Variants in CATSPERT observed in about 807,000 individuals in gnomAD.
CATSPERT encodes catsper channel auxiliary subunit tau.
the CATSPERT span, chr2:201,494,786 A>ATT: frequency 6.8e-7 from 1 of 1,467,150 alleles, no homozygotes; most frequent in Non-Finnish European, 8.9e-7. Flanking sequence ...AAGGTAAGAC[A>ATT]TTTGGTAGCA....
At chr2:201,569,980 G>A in the CATSPERT span, among the ~76,000 whole-genome samples, 9 of 152,096 alleles carry the variant, frequency 5.9e-5, no homozygotes, top group South Asian at 6.2e-4. Flanking sequence ...GCAGGAGTTC[G>A]AGACCAGCCT....
chr2:201,606,992 A>C, the CATSPERT span, among the ~76,000 whole-genome samples: 1 of 152,174 alleles, frequency 6.6e-6, no homozygotes, highest in East Asian at 1.9e-4. Flanking sequence ...CTACTACAGA[A>C]ACCACCAAAC....
At chr2:201,610,771 A>C in the CATSPERT span, among the ~76,000 whole-genome samples, 1 of 152,020 alleles carries the variant, frequency 6.6e-6, no homozygotes, top group Non-Finnish European at 1.5e-5. Context: ...ATATATATAT[A>C]CCATGATCAT....
At chr2:201,616,542 T>C in the CATSPERT span, among the ~76,000 whole-genome samples, 1 of 152,338 alleles carries the variant, frequency 6.6e-6, no homozygotes, top group East Asian at 1.9e-4. Flanking sequence ...AAACTACGTA[T>C]TGATGGGACG....
the CATSPERT span, among the ~76,000 whole-genome samples, chr2:201,595,480 G>A: frequency 2.1e-4 from 32 of 152,210 alleles, no homozygotes; most frequent in Middle Eastern, 6.8e-3. Flanking sequence ...GAGCCACCGC[G>A]CCCGGCCTGT....
At chr2:201,594,140 C>T in the CATSPERT span, among the ~76,000 whole-genome samples, 4 of 152,214 alleles carry the variant, frequency 2.6e-5, no homozygotes, top group Admixed American at 2.6e-4. Flanking sequence ...CCATGTTTAG[C>T]ACTTCCTTCA....
At chr2:201,531,580 T>C in the CATSPERT span, among the ~76,000 whole-genome samples, 3 of 152,010 alleles carry the variant, frequency 2.0e-5, no homozygotes, top group Non-Finnish European at 2.9e-5. Flanking sequence ...TTACTTTACA[T>C]AGAGTGGTCA....
the CATSPERT span, among the ~76,000 whole-genome samples, chr2:201,576,271 T>C: frequency 6.6e-6 from 1 of 152,314 alleles, no homozygotes; most frequent in East Asian, 1.9e-4. Flanking sequence ...ATAAAGACTA[T>C]GTTCAACCAG....
the CATSPERT span, among the ~76,000 whole-genome samples, chr2:201,490,305 A>G: frequency 1.5e-3 from 224 of 152,336 alleles, 1 homozygote; most frequent in African/African-American, 5.1e-3. Flanking sequence ...GCATATCCCT[A>G]ATTTTTAGCC....
chr2:201,545,697 T>C, the CATSPERT span: 1 of 1,010,688 alleles, frequency 9.9e-7, no homozygotes, highest in Non-Finnish European at 1.4e-6. Context: ...AACGAAAACA[T>C]TTTCCTCTGC....
the CATSPERT span, among the ~76,000 whole-genome samples, chr2:201,590,258 A>G: frequency 6.6e-6 from 1 of 151,394 alleles, no homozygotes; most frequent in African/African-American, 2.4e-5. Context: ...TTCTTGCGAT[A>G]GTTTACTGAG....
chr2:201,499,658 AC>A, the CATSPERT span, among the ~76,000 whole-genome samples: 1 of 151,694 alleles, frequency 6.6e-6, no homozygotes, highest in Non-Finnish European at 1.5e-5. Context: ...ACATGGAAAA[AC>A]CTTGTCTCTA....
At chr2:201,566,992 T>C in the CATSPERT span, among the ~76,000 whole-genome samples, 2 of 152,210 alleles carry the variant, frequency 1.3e-5, no homozygotes, top group Non-Finnish European at 2.9e-5. Flanking sequence ...CCTCCCAAGG[T>C]CTTACAGCTG....
chr2:201,545,129 C>T, the CATSPERT span, among the ~76,000 whole-genome samples: 1 of 152,194 alleles, frequency 6.6e-6, no homozygotes, highest in African/African-American at 2.4e-5. Flanking sequence ...CCTCCGGCCT[C>T]CAAGTTCAAG....
chr2:201,590,547 T>C, the CATSPERT span, among the ~76,000 whole-genome samples: 19 of 152,028 alleles, frequency 1.2e-4, no homozygotes, highest in Non-Finnish European at 2.2e-4. Flanking sequence ...TCTAGATCCC[T>C]GAGGAATGGC....
the CATSPERT span, among the ~76,000 whole-genome samples, chr2:201,504,151 T>C: frequency 3.3e-5 from 5 of 152,312 alleles, no homozygotes; most frequent in Middle Eastern, 3.4e-3. Context: ...CTGCTGTAGT[T>C]TTTTCTCTTC....
the CATSPERT span, among the ~76,000 whole-genome samples, chr2:201,605,093 T>C: frequency 6.6e-6 from 1 of 151,120 alleles, no homozygotes; most frequent in East Asian, 1.9e-4. Context: ...CAAACATATA[T>C]ATGCACACAT....
chr2:201,536,744 A>G, the CATSPERT span, among the ~76,000 whole-genome samples: 1 of 151,952 alleles, frequency 6.6e-6, no homozygotes. Flanking sequence ...AGTACAAAGA[A>G]CAATATTGTA....
At chr2:201,553,026 T>C in the CATSPERT span, 1 of 152,238 alleles carries the variant, frequency 6.6e-6, no homozygotes, top group South Asian at 2.1e-4. Context: ...CTACCAGTGA[T>C]GATGAGATAG....
Sources: allele counts gnomAD v4.1 joint callset (sites outside exome capture counted in the v4.1 genomes callset), GRCh38; gene constraint gnomAD v4.1.1; transcripts MANE v1.5; gene names NCBI Gene and HGNC (gene_info 2026-07-23, HGNC 2026-07-21).